Variants in SOX5 observed in about 807,000 individuals in gnomAD.
SOX5 encodes the protein transcription factor SOX-5.
SOX5 carries 9 observed loss-of-function variants against 92.0 expected under a neutral mutation model. That is an observed-to-expected ratio of 0.10 (90% CI 0.06 to 0.17). The LOEUF (loss-of-function observed/expected upper bound fraction) is 0.17, where lower values mean the gene tolerates loss of function less well. Ranked by LOEUF, SOX5 falls within the 10% of genes least tolerant of loss-of-function variation. The pLI is 1.00. For missense variants in SOX5, 642 were observed against 944.5 expected (o/e 0.68, Z 4.20); for synonymous variants, 344 against 336.3 (o/e 1.02, Z -0.25).
intron 8 of SOX5, among the ~76,000 whole-genome samples, chr12:23,633,757 A>G (rs1214682513): frequency 6.6e-6 from 1 of 152,172 alleles, no homozygotes. Context: ...AGAATAAGCC[A>G]TGAGTCAAAT....
chr12:23,871,935 T>G (rs891715291), intron 2 of SOX5, among the ~76,000 whole-genome samples: 13 of 151,890 alleles, frequency 8.6e-5, no homozygotes, highest in Non-Finnish European at 1.3e-4. Flanking sequence ...TAAGAATACT[T>G]GAGAGTACAA....
intron 6 of SOX5, among the ~76,000 whole-genome samples, chr12:23,701,480 C>A (rs2090620563): frequency 6.6e-6 from 1 of 151,920 alleles, no homozygotes; most frequent in Non-Finnish European, 1.5e-5. Context: ...ATGGATAACT[C>A]ACATATCAAA....
intron 6 of SOX5, among the ~76,000 whole-genome samples, chr12:23,686,122 C>T (rs911792265): frequency 6.6e-6 from 1 of 152,114 alleles, no homozygotes; most frequent in Admixed American, 6.6e-5. Flanking sequence ...AGAGAGCAAA[C>T]ATTTGTAGAA....
intron 4 of SOX5, among the ~76,000 whole-genome samples, chr12:24,182,114 AAT>A (rs1438723408): frequency 6.6e-6 from 1 of 152,220 alleles, no homozygotes; most frequent in Non-Finnish European, 1.5e-5. Context: ...TTTTAGAGAT[AAT>A]AGTTATTAAT....
At chr12:23,691,413 T>C (rs1374949544) in intron 6 of SOX5, among the ~76,000 whole-genome samples, 2 of 152,208 alleles carry the variant, frequency 1.3e-5, no homozygotes, top group Non-Finnish European at 2.9e-5. Context: ...TTATTCTCTC[T>C]TTTCCTACTA....
At chr12:24,169,306 T>C (rs961319380) in intron 4 of SOX5, among the ~76,000 whole-genome samples, 7 of 152,236 alleles carry the variant, frequency 4.6e-5, no homozygotes, top group African/African-American at 7.2e-5. Context: ...CTTCATGAGA[T>C]ATTTTTAAAG....
chr12:23,939,320 T>C (rs906395348), intron 1 of SOX5, among the ~76,000 whole-genome samples: 2 of 151,130 alleles, frequency 1.3e-5, no homozygotes, highest in African/African-American at 4.8e-5. Context: ...TTTGCACATT[T>C]CTCTTTGGTC....
At chr12:23,696,846 A>C (rs2089950920) in intron 6 of SOX5, among the ~76,000 whole-genome samples, 1 of 152,082 alleles carries the variant, frequency 6.6e-6, no homozygotes, top group South Asian at 2.1e-4. Flanking sequence ...TTCTTCTTTG[A>C]CCCATGAGTT....
intron 1 of SOX5, among the ~76,000 whole-genome samples, chr12:24,433,485 G>A (rs1938776508): frequency 6.6e-6 from 1 of 152,096 alleles, no homozygotes; most frequent in Non-Finnish European, 1.5e-5. Flanking sequence ...ACTACAGAGT[G>A]GTAAGGATAG....
intron 7 of SOX5, among the ~76,000 whole-genome samples, chr12:23,665,073 T>C (rs2083587728): frequency 6.6e-6 from 1 of 152,112 alleles, no homozygotes; most frequent in Non-Finnish European, 1.5e-5. Context: ...AAGAGACAAA[T>C]AACAGAAGGC....
intron 8 of SOX5, among the ~76,000 whole-genome samples, chr12:23,614,041 C>T (rs1186538327): frequency 4.6e-5 from 7 of 152,106 alleles, no homozygotes; most frequent in African/African-American, 1.7e-4. Context: ...ACCCCTAGCT[C>T]CATTCAAGAG....
intron 1 of SOX5, among the ~76,000 whole-genome samples, chr12:23,911,951 G>A (rs2138429268): frequency 6.6e-6 from 1 of 152,102 alleles, no homozygotes; most frequent in Non-Finnish European, 1.5e-5. Flanking sequence ...CAGATACATT[G>A]GACTTCATTA....
intron 3 of SOX5, among the ~76,000 whole-genome samples, chr12:24,238,355 G>C (rs1964915709): frequency 6.6e-6 from 1 of 152,134 alleles, no homozygotes. Context: ...CTTCACAAGA[G>C]TAGTTTTTTG....
At chr12:23,954,733 C>T (rs1464191388), upstream of SOX5, among the ~76,000 whole-genome samples, 1 of 151,994 alleles carries the variant, frequency 6.6e-6, no homozygotes, top group Non-Finnish European at 1.5e-5. Flanking sequence ...TAACTTCATA[C>T]TCTTTCTATT....
intron 2 of SOX5, among the ~76,000 whole-genome samples, chr12:23,860,808 T>A (rs2096746230): frequency 6.6e-6 from 1 of 152,034 alleles, no homozygotes; most frequent in Non-Finnish European, 1.5e-5. Flanking sequence ...GAAGAGCAAA[T>A]GGCCAAGCCC....
intron 6 of SOX5, among the ~76,000 whole-genome samples, 172 bp from the exon 7 acceptor site, chr12:23,665,736 C>A (rs2083688417): frequency 6.6e-6 from 1 of 152,118 alleles, no homozygotes. Context: ...CCTTAAACAG[C>A]AGAACTAGAA....
chr12:24,561,672 C>G (rs1056542838), intron 1 of SOX5, among the ~76,000 whole-genome samples: 1 of 146,920 alleles, frequency 6.8e-6, no homozygotes, highest in African/African-American at 2.6e-5. Flanking sequence ...CTTCCGGTCT[C>G]TGAAATCCCT....
intron 8 of SOX5, among the ~76,000 whole-genome samples, chr12:23,610,663 A>G (rs2075841016): frequency 6.6e-6 from 1 of 152,186 alleles, no homozygotes; most frequent in Non-Finnish European, 1.5e-5. Context: ...CCAAAGAATT[A>G]GAAAGAAAGG....
chr12:24,368,868 A>G (rs1033854557), intron 1 of SOX5, among the ~76,000 whole-genome samples: 31 of 152,232 alleles, frequency 2.0e-4, no homozygotes, highest in Admixed American at 8.5e-4. Context: ...AATGGTTATT[A>G]TATTACATAT....
Sources: allele counts gnomAD v4.1 joint callset (sites outside exome capture counted in the v4.1 genomes callset), GRCh38; gene constraint gnomAD v4.1.1; transcripts MANE v1.5; gene names NCBI Gene and HGNC (gene_info 2026-07-23, HGNC 2026-07-21).